The following EPC2 variants were observed in gnomAD, a reference collection of about 807,000 sequenced individuals.
EPC2 encodes enhancer of polycomb 2.
EPC2 carries 14 observed loss-of-function variants against 92.1 expected under a neutral mutation model. The observed-to-expected ratio is 0.15, with a 90% CI of 0.10 to 0.24. The LOEUF (loss-of-function observed/expected upper bound fraction) is 0.24, where lower values mean the gene tolerates loss of function less well. Among genes scored for constraint, EPC2 ranks in the 10% least tolerant of loss-of-function variants. EPC2 has a pLI of 1.00. For synonymous variants in EPC2, 340 were observed against 334.7 expected (o/e 1.02, Z -0.17); for missense variants, 755 against 971.5 (o/e 0.78, Z 2.96).
chr2:148,715,964 T>G (rs1392828869), intron 2 of EPC2, among the ~76,000 whole-genome samples: 3 of 152,302 alleles, frequency 2.0e-5, no homozygotes, highest in Admixed American at 2.0e-4. Flanking sequence ...TATTTCCAGG[T>G]ATTTTATTAT....
intron 2 of EPC2, among the ~76,000 whole-genome samples, chr2:148,708,064 G>C (rs1376232829): frequency 6.6e-6 from 1 of 152,118 alleles, no homozygotes; most frequent in African/African-American, 2.4e-5. Flanking sequence ...CCAGGAGTTG[G>C]TCTTTTGAAA....
chr2:148,682,048 A>G (rs1681407949), intron 1 of EPC2, among the ~76,000 whole-genome samples: 1 of 152,202 alleles, frequency 6.6e-6, no homozygotes, highest in Admixed American at 6.5e-5. Flanking sequence ...AAAGGAAATG[A>G]ACTCATCCTT....
chr2:148,726,595 A>G (rs548354978), intron 2 of EPC2, among the ~76,000 whole-genome samples: 2 of 151,784 alleles, frequency 1.3e-5, no homozygotes, highest in East Asian at 1.9e-4. Flanking sequence ...GGCCATTTGT[A>G]TATCATTGTG....
intron 2 of EPC2, among the ~76,000 whole-genome samples, chr2:148,739,407 G>A (rs576486957): frequency 9.7e-4 from 147 of 152,056 alleles, no homozygotes; most frequent in Non-Finnish European, 1.9e-3. Flanking sequence ...TCCTCATACC[G>A]TTTCTTCTCC....
rs143184368 is a variant in EPC2, at chr2:148,671,712, A to G, written c.154-18502A>G. Among the ~76,000 whole-genome samples, 18 of 152,190 alleles carry G rather than the reference A, an allele frequency of 1.2e-4. No individual in the cohort carries two copies. In the East Asian group the frequency reaches 3.5e-3, roughly 29 times the overall value. On this transcript the variant is annotated intron_variant, in intron 1 of 13. Coordinates refer to ENST00000258484, the MANE Select transcript of EPC2 (RefSeq NM_015630.4). ...CTTGCATTTCTTATTGTCTCCATTT[A>G]CCTGGTAAACTTTTGTCCGTCCCTT...
intron 1 of EPC2, among the ~76,000 whole-genome samples, chr2:148,686,829 GAGCACAGGCAGAGT>G (rs1382588538): frequency 1.3e-5 from 2 of 152,124 alleles, no homozygotes; most frequent in African/African-American, 4.8e-5. Context: ...TAAACCTGTA[GAGCACAGGCAGAGT>G]AGATTTAGCG....
chr2:148,658,607 G>GTGTATATATATATATATATA (rs1168257662), intron 1 of EPC2, among the ~76,000 whole-genome samples: 2 of 141,262 alleles, frequency 1.4e-5, no homozygotes, highest in East Asian at 2.2e-4. Context: ...GTGTGTGTGT[G>GTGTATATATATATATATATA]TATATATATA....
chr2:148,774,059 CT>C (rs1294588838), intron 10 of EPC2, among the ~76,000 whole-genome samples: 3 of 152,098 alleles, frequency 2.0e-5, no homozygotes, highest in Non-Finnish European at 4.4e-5. Context: ...CAGGATTATA[CT>C]TTTCCCTAGC....
In EPC2 at chr2:148,786,340, G is replaced by A; in HGVS notation, c.2387G>A (p.Gly796Glu). Reference sequence around the variant, plus strand: ...GAACCAGAAAGATTGGGCTTAAATGGAATAGCAGAGACAACAGTAGCTATG... The same window carrying A: ...GAACCAGAAAGATTGGGCTTAAATGAAATAGCAGAGACAACAGTAGCTATG... ...NHEPERLGLN[G>E]IAETTVAMEV... The change falls in exon 14 of 14, where the codon GGA (glycine) becomes GAA (glutamate). Residue 796 changes from glycine to glutamate, a missense_variant. Physicochemically the swap from Gly to Glu is moderately conservative, Grantham distance 98 (BLOSUM62 -2). Around this residue, in one of 4 missense-constraint regions of EPC2, gnomAD observed 207 missense variants for 260.5 expected, o/e 0.79. Transcript: ENST00000258484. 1.2e-6 allele frequency: 2 copies of A among 1,611,824 alleles called. No homozygotes were observed. The highest frequency in any genetic ancestry group is 1.7e-6 in the Non-Finnish European group (2 of 1,178,942).
intron 2 of EPC2, among the ~76,000 whole-genome samples, chr2:148,711,229 A>G (rs569229432): frequency 6.6e-6 from 1 of 151,866 alleles, no homozygotes; most frequent in African/African-American, 2.4e-5. Flanking sequence ...ATTTTTCTCT[A>G]AGCACTGCTT....
At chr2:148,750,258 A>G (rs1301640365) in intron 3 of EPC2, among the ~76,000 whole-genome samples, 10 of 152,140 alleles carry the variant, frequency 6.6e-5, no homozygotes, top group Admixed American at 2.6e-4. Context: ...AAGCATGAAG[A>G]TCATATGTGT....
chr2:148,700,027 T>C (rs1681841725), intron 2 of EPC2, among the ~76,000 whole-genome samples: 1 of 152,212 alleles, frequency 6.6e-6, no homozygotes, highest in Non-Finnish European at 1.5e-5. Context: ...ATATATCTTC[T>C]TTAGTGTGGT....
intron 3 of EPC2, among the ~76,000 whole-genome samples, chr2:148,749,981 G>C (rs1173766697): frequency 3.9e-5 from 6 of 152,094 alleles, no homozygotes. Context: ...CTGCAGAGAA[G>C]GTTAGTTTCA....
intron 10 of EPC2, among the ~76,000 whole-genome samples, chr2:148,781,427 G>C (rs1381749747): frequency 2.0e-5 from 3 of 152,046 alleles, no homozygotes; most frequent in Non-Finnish European, 4.4e-5. Flanking sequence ...ACTACATTTA[G>C]GCACTTTTCT....
In EPC2 at chr2:148,668,975, A is replaced by G. The variant is rs566951649; in HGVS notation, c.154-21239A>G. ...AGGGTAAATGCTGAAACCTTTTTCTATTTTAATACAGGTGTTTAGTGCTGC... is the reference window on the plus strand; with the variant it reads ...AGGGTAAATGCTGAAACCTTTTTCTGTTTTAATACAGGTGTTTAGTGCTGC... On this transcript the variant is annotated intron_variant, in intron 1 of 13. Transcript: ENST00000258484. Among the ~76,000 whole-genome samples the G allele has an allele frequency of 3.0e-4, 45 of 151,832 alleles. 1 individual carries two copies. The East Asian group carries it at 6.6e-3, about 22-fold the overall frequency.
At chr2:148,695,739 A>AT (rs1286924288) in intron 2 of EPC2, among the ~76,000 whole-genome samples, 5 of 152,268 alleles carry the variant, frequency 3.3e-5, no homozygotes, top group Non-Finnish European at 7.3e-5. Flanking sequence ...GAAAGGATGC[A>AT]TTCCAGGAAC....
intron 12 of EPC2, 99 bp from the exon 13 acceptor site, chr2:148,784,569 C>G (rs997843792): frequency 7.5e-6 from 7 of 928,462 alleles, no homozygotes; most frequent in Non-Finnish European, 1.1e-5. Context: ...ACTTGGCATT[C>G]AATTCAAATA....
Position 148,762,107 on chromosome 2 carries a change from A to G in EPC2, c.815+177A>G, listed in dbSNP as rs1027600864. 6 of 480,950 alleles carry G rather than the reference A, an allele frequency of 1.2e-5. No homozygotes were observed. The East Asian group carries it at 1.4e-4, about 11-fold the overall frequency. The allele number at this position is 480,950 out of a possible 1,614,324, so 29.8% of individuals were successfully genotyped here. On this transcript the variant is annotated intron_variant, in intron 5 of 13. Coordinates refer to ENST00000258484, the MANE Select transcript of EPC2 (RefSeq NM_015630.4). Reference sequence around the variant, plus strand: ...CTAGTTTTTATAGATTAAGTTATCAATTTGGATTGCAGATTTTGGGAGAGT... The same window carrying G: ...CTAGTTTTTATAGATTAAGTTATCAGTTTGGATTGCAGATTTTGGGAGAGT...
intron 10 of EPC2, among the ~76,000 whole-genome samples, chr2:148,778,013 G>A (rs1402280354): frequency 1.3e-5 from 2 of 152,120 alleles, no homozygotes; most frequent in African/African-American, 4.8e-5. Flanking sequence ...TATGCCAAAT[G>A]TGTTATATAG....
Sources: allele counts gnomAD v4.1 joint callset (sites outside exome capture counted in the v4.1 genomes callset), GRCh38; gene constraint gnomAD v4.1.1; regional missense constraint gnomAD v4.1.1; transcripts MANE v1.5; gene names NCBI Gene and HGNC (gene_info 2026-07-23, HGNC 2026-07-21).